Variants in SGSM1 observed in about 807,000 individuals in gnomAD.
SGSM1 encodes the protein small G protein signaling modulator 1, also known as RUN and TBC1 domain containing 2.
Under a neutral mutation model 133.8 loss-of-function variants are expected in SGSM1, and 73 were observed. The ratio of observed to expected loss-of-function variants is 0.55; its 90% CI spans 0.45 to 0.66. SGSM1 has a LOEUF of 0.66. Ranked by LOEUF, SGSM1 falls within the 30% of genes least tolerant of loss-of-function variation. The pLI is 0.00. For synonymous variants in SGSM1, 563 were observed against 573.0 expected (o/e 0.98, Z 0.25); for missense variants, 1,213 against 1,448.1 (o/e 0.84, Z 2.64).
At chr22:24,922,208 C>A in intron 24 of SGSM1, among the ~76,000 whole-genome samples, 1 of 118,108 alleles carries the variant, frequency 8.5e-6, no homozygotes. Flanking sequence ...TTTGTGATGG[C>A]GTCTCGCTCT....
chr22:24,888,267 T>C (rs576034840), intron 16 of SGSM1, among the ~76,000 whole-genome samples: 3 of 152,338 alleles, frequency 2.0e-5, no homozygotes, highest in African/African-American at 7.2e-5. Context: ...AAATTTTGCC[T>C]AGCCCTAGGT....
intron 12 of SGSM1, among the ~76,000 whole-genome samples, chr22:24,874,189 A>G (rs934721842): frequency 2.0e-5 from 3 of 152,174 alleles, no homozygotes; most frequent in Non-Finnish European, 2.9e-5. Flanking sequence ...TGGTTTCCTT[A>G]GGTTTGCTCA....
At chr22:24,897,191 C>G (rs1053448794) in intron 18 of SGSM1, among the ~76,000 whole-genome samples, 1 of 151,866 alleles carries the variant, frequency 6.6e-6, no homozygotes, top group Non-Finnish European at 1.5e-5. Context: ...ACCAGCCTGG[C>G]CAACATGGTG....
chr22:24,859,569 T>C, intron 8 of SGSM1, 147 bp from the exon 9 acceptor site: 4 of 1,125,600 alleles, frequency 3.6e-6, no homozygotes, highest in Admixed American at 2.0e-5. Context: ...GGAAGGAGGC[T>C]TTAGAGTCTT....
intron 3 of SGSM1, among the ~76,000 whole-genome samples, chr22:24,845,779 C>T (rs1034733012): frequency 6.6e-6 from 1 of 151,986 alleles, no homozygotes; most frequent in African/African-American, 2.4e-5. Flanking sequence ...GAGGCAAGGA[C>T]CTCAGTTCAC....
chr22:24,917,055 CTTTTT>C (rs139775), intron 22 of SGSM1, among the ~76,000 whole-genome samples: 2 of 118,466 alleles, frequency 1.7e-5, no homozygotes, highest in East Asian at 2.5e-4. Flanking sequence ...ATAAAAAATT[CTTTTT>C]TTTTTTTTTT....
At chr22:24,817,653 G>C (rs534724367) in intron 2 of SGSM1, among the ~76,000 whole-genome samples, 66 of 152,170 alleles carry the variant, frequency 4.3e-4, no homozygotes, top group African/African-American at 1.6e-3. Context: ...TCCCGGCCAT[G>C]AGTATCCTCA....
rs71189302 is a variant in SGSM1 at position 24,837,578 on chromosome 22, ACC to A, written c.64-7307_64-7306del. On this transcript the variant is annotated intron_variant, in intron 2 of 24. Coordinates refer to ENST00000400358, the MANE Select transcript of SGSM1 (RefSeq NM_001098497.3). ...TCTAAACTCCCCCGGGGAAAGGGAG[ACC>A]CCCCCCCCCCCTTTCCCAGTCTGCT... Among the ~76,000 whole-genome samples the A allele has an allele frequency of 6.6e-3, 343 of 51,896 alleles. 15 individuals carry two copies. Among genetic ancestry groups the A allele is most frequent in the African/African-American group, 0.034 (296 of 8,716 alleles). The allele number at this position is 51,896 out of a possible 152,430, so 34.0% of individuals were successfully genotyped here.
At chr22:24,921,061 G>A (rs975624454) in intron 24 of SGSM1, among the ~76,000 whole-genome samples, 1 of 151,160 alleles carries the variant, frequency 6.6e-6, no homozygotes, top group African/African-American at 2.4e-5. Flanking sequence ...ACTTGTATAT[G>A]CCTTTTTTCA....
intron 2 of SGSM1, among the ~76,000 whole-genome samples, chr22:24,833,776 CAAAG>C (rs1398644050): frequency 4.6e-5 from 7 of 152,012 alleles, no homozygotes; most frequent in Non-Finnish European, 7.4e-5. Flanking sequence ...AGAGGCACGA[CAAAG>C]GAAAGGAATG....
In SGSM1 at chr22:24,894,756, C is replaced by T. The variant is rs1011506992; in HGVS notation, c.1954-467C>T. On this transcript the variant is annotated intron_variant, in intron 17 of 24. Transcript: ENST00000400358. The stretch of plus-strand genomic sequence containing the variant: ...GGAAATGCACAAGGGTGTTCTAAGC[C>T]TCTGCTGAGTCAAGTTTGTTAACAT... Among the ~76,000 whole-genome samples the T allele has an allele frequency of 5.3e-5, 8 of 152,216 alleles. No individual in the cohort carries two copies. The East Asian group carries it at 1.4e-3, about 26-fold the overall frequency.
intron 2 of SGSM1, among the ~76,000 whole-genome samples, chr22:24,827,827 T>G (rs1024626179): frequency 1.5e-4 from 23 of 152,008 alleles, no homozygotes; most frequent in African/African-American, 4.1e-4. Flanking sequence ...CGACTCCAAG[T>G]CAGTGACTCC....
At chr22:24,837,586 C>G (rs1313478259) in intron 2 of SGSM1, among the ~76,000 whole-genome samples, 1 of 74,062 alleles carries the variant, frequency 1.4e-5, no homozygotes, top group Non-Finnish European at 3.0e-5. Context: ...AGACCCCCCC[C>G]CCCCCTTTCC....
chr22:24,871,056 C>T (rs1448778739), intron 12 of SGSM1, among the ~76,000 whole-genome samples: 1 of 152,138 alleles, frequency 6.6e-6, no homozygotes, highest in East Asian at 1.9e-4. Context: ...TGAACCTTAG[C>T]GTTACTGTCA....
intron 2 of SGSM1, among the ~76,000 whole-genome samples, chr22:24,820,930 A>G (rs183697565): frequency 7.7e-4 from 117 of 152,244 alleles, no homozygotes; most frequent in Non-Finnish European, 1.5e-3. Context: ...GGGGAGAGAG[A>G]GGTTGGGATG....
rs111877740 is a variant in SGSM1 at position 24,884,081 on chromosome 22, C to T, written c.1524C>T (p.Thr508=). The T allele has an allele frequency of 2.9e-4, 471 of 1,613,166 alleles. 1 individual carries two copies. In the African/African-American group the frequency reaches 5.5e-3, roughly 19 times the overall value. The part of the protein sequence containing the change: ...GWLAYCRHLS[T]VRTHLSALVN... ...TGGCCTACTGCAGACACCTGTCCAC[C>T]GTGAGAACCCACCTATCAGCCCTGG... The change falls in exon 15 of 25, where the codon ACC becomes ACT. Residue 508 remains threonine, a synonymous_variant. Transcript: ENST00000400358.
Position 24,927,467 on chromosome 22 carries a change from G to A in SGSM1, c.*3193G>A, listed in dbSNP as rs1056125611. The A allele has an allele frequency of 7.2e-5, 11 of 152,162 alleles. No individual in the cohort carries two copies. The highest frequency in any genetic ancestry group is 2.7e-4 in the African/African-American group (11 of 41,414). 9.4% of individuals were successfully genotyped at this position (152,162 alleles called of 1,614,324 possible). ...CTGTACTTCCTGATGAGAATCTTTG[G>A]AAAGTGACACTGAAAAGGAGCATGG... On this transcript the variant is annotated 3_prime_UTR_variant, in exon 25 of 25. Transcript: ENST00000400358.
intron 3 of SGSM1, among the ~76,000 whole-genome samples, chr22:24,845,953 CTTT>C (rs1930096359): frequency 1.3e-5 from 1 of 78,080 alleles, no homozygotes; most frequent in Non-Finnish European, 2.8e-5. Flanking sequence ...TTCTTTCTTT[CTTT>C]CTTTCTTTCT....
chr22:24,898,245 A>G lies in SGSM1; in HGVS notation c.2296A>G (p.Thr766Ala). Residue 766 changes from threonine to alanine, a missense_variant, in exon 19 of 25, where the codon ACA (threonine) becomes GCA (alanine). Transcript: ENST00000400358. Reference sequence around the variant, plus strand: ...TGACAGGCAGAGCAGCGAGGCCACCACATCTCAGGATGAGGCTCCCCGGGA... The same window carrying G: ...TGACAGGCAGAGCAGCGAGGCCACCGCATCTCAGGATGAGGCTCCCCGGGA... ...VDDRQSSEAT[T>A]SQDEAPREEL... The G allele has an allele frequency of 6.2e-7, 1 of 1,613,710 alleles. No homozygotes were observed. The highest frequency in any genetic ancestry group is 8.5e-7 in the Non-Finnish European group (1 of 1,179,710).
Sources: allele counts gnomAD v4.1 joint callset (sites outside exome capture counted in the v4.1 genomes callset), GRCh38; gene constraint gnomAD v4.1.1; transcripts MANE v1.5; gene names NCBI Gene and HGNC (gene_info 2026-07-23, HGNC 2026-07-21).